The following FCHO2 variants were observed in gnomAD, a reference collection of about 807,000 sequenced individuals.
FCHO2 encodes FCH and mu domain containing endocytic adaptor 2.
In FCHO2, 43 loss-of-function variants were observed where a neutral mutation model predicts 114.1. The ratio of observed to expected loss-of-function variants is 0.38; its 90% confidence interval spans 0.30 to 0.49. The LOEUF (loss-of-function observed/expected upper bound fraction) is 0.49. Ranked by LOEUF, FCHO2 falls within the 20% of genes least tolerant of loss-of-function variation. The probability of loss-of-function intolerance (pLI) is 0.97; values close to 1 mark genes in which losing one functional copy is unlikely to be tolerated. For synonymous variants in FCHO2, 293 were observed against 315.2 expected (o/e 0.93, Z 0.75); for missense variants, 807 against 950.4 (o/e 0.85, Z 1.98).
At chr5:73,044,494 C>T (rs558797824) in intron 11 of FCHO2, among the ~76,000 whole-genome samples, 23 of 152,064 alleles carry the variant, frequency 1.5e-4, no homozygotes, top group South Asian at 4.1e-4. Context: ...TAATAACTTA[C>T]GGCCTATTCA....
At chr5:72,968,334 A>G (rs1266955580) in intron 1 of FCHO2, among the ~76,000 whole-genome samples, 164 bp from the exon 2 acceptor site, 4 of 152,240 alleles carry the variant, frequency 2.6e-5, no homozygotes, top group Non-Finnish European at 4.4e-5. Context: ...ATTAAAGCAT[A>G]TAATATTGCT....
At chr5:73,049,485 C>G (rs1429350203) in intron 11 of FCHO2, among the ~76,000 whole-genome samples, 1 of 151,858 alleles carries the variant, frequency 6.6e-6, no homozygotes, top group Non-Finnish European at 1.5e-5. Context: ...CTTAGAGTAC[C>G]TTGTTCTCAT....
At chr5:73,051,601 C>G (rs540966930) in intron 12 of FCHO2, among the ~76,000 whole-genome samples, 195 bp downstream of exon 12, 38 of 152,000 alleles carry the variant, frequency 2.5e-4, no homozygotes, top group African/African-American at 4.3e-4. Flanking sequence ...GAGTCTCGCT[C>G]TCTTGCCCGG....
intron 5 of FCHO2, among the ~76,000 whole-genome samples, chr5:73,001,843 G>A (rs1442123989): frequency 6.6e-6 from 1 of 151,052 alleles, no homozygotes; most frequent in Non-Finnish European, 1.5e-5. Context: ...GGAGGCTAAA[G>A]TACTTGAGCC....
intron 18 of FCHO2, among the ~76,000 whole-genome samples, chr5:73,064,478 C>T (rs982069785): frequency 3.3e-5 from 5 of 152,006 alleles, no homozygotes; most frequent in Non-Finnish European, 7.4e-5. Context: ...GAGGCTCTCC[C>T]AGTCTATTTG....
chr5:73,072,892 TAA>T (rs375185761), intron 19 of FCHO2, among the ~76,000 whole-genome samples: 33 of 152,210 alleles, frequency 2.2e-4, no homozygotes, highest in East Asian at 1.9e-3. Flanking sequence ...AATTTTATGT[TAA>T]GTTTATTTTA....
At chr5:72,956,777 T>G (rs1226839131) in intron 1 of FCHO2, among the ~76,000 whole-genome samples, 1 of 152,034 alleles carries the variant, frequency 6.6e-6, no homozygotes, top group Non-Finnish European at 1.5e-5. Flanking sequence ...CATGGAGACC[T>G]CCCCCTACTC....
chr5:73,061,007 C>CAA (rs202006082), intron 17 of FCHO2, among the ~76,000 whole-genome samples: 2,107 of 129,426 alleles, frequency 0.016, 44 homozygotes, highest in African/African-American at 0.053. Context: ...CTTGTGCTCA[C>CAA]AAAAAAAAAA....
At chr5:73,051,576 G>T (rs958901039) in intron 12 of FCHO2, among the ~76,000 whole-genome samples, 170 bp downstream of exon 12, 2 of 150,936 alleles carry the variant, frequency 1.3e-5, no homozygotes, top group Non-Finnish European at 1.5e-5. Flanking sequence ...TTTTTTTTGG[G>T]TTTTTTTTGA....
At chr5:72,983,789 T>C (rs1324454310) in intron 2 of FCHO2, among the ~76,000 whole-genome samples, 1 of 152,068 alleles carries the variant, frequency 6.6e-6, no homozygotes. Context: ...TTCTAGATCT[T>C]TTGCTGTTTT....
At position 72,956,123 on chromosome 5, in the gene FCHO2, T is replaced by C. The variant is rs1187358452; in HGVS notation, c.27T>C (p.Asn9=). MVMAYFVE[N]FWGEKNSGFD... is the part of the protein sequence containing the mutation. ...TGGTCATGGCGTATTTCGTCGAGAATTTTTGGGTAAGCTTAGGATGTTGGA... is the reference window on the plus strand; with the variant it reads ...TGGTCATGGCGTATTTCGTCGAGAACTTTTGGGTAAGCTTAGGATGTTGGA... The change falls in exon 1 of 26, where the codon AAT becomes AAC. Residue 9 remains asparagine, a synonymous_variant. Transcript: ENST00000430046. 1 of 1,540,578 alleles carries C rather than the reference T, an allele frequency of 6.5e-7. No individual in the cohort carries two copies. Among genetic ancestry groups the C allele is most frequent in the South Asian group, 1.2e-5 (1 of 82,690 alleles).
intron 8 of FCHO2, among the ~76,000 whole-genome samples, chr5:73,026,617 AT>A (rs1311470005): frequency 6.6e-6 from 1 of 151,910 alleles, no homozygotes; most frequent in African/African-American, 2.4e-5. Context: ...AGCATTACAA[AT>A]TTTTTTCTAA....
Position 72,971,866 on chromosome 5 carries a change from T to C in FCHO2, c.125+3277T>C, listed in dbSNP as rs567313787. Among the ~76,000 whole-genome samples the C allele has an allele frequency of 2.0e-5, 3 of 152,290 alleles. No individual in the cohort carries two copies. In the East Asian group the frequency reaches 5.8e-4, roughly 29 times the overall value. ...ATTTAAGTCTTTAATCCATCGTGAA[T>C]TGATTTTTGTATAAGGTGTAAGGAA... On this transcript the variant is annotated intron_variant, in intron 2 of 25. Transcript: ENST00000430046.
chr5:73,036,113 T>C (rs752256043), intron 9 of FCHO2, among the ~76,000 whole-genome samples: 1 of 152,070 alleles, frequency 6.6e-6, no homozygotes, highest in Non-Finnish European at 1.5e-5. Context: ...TCCAAAGTGC[T>C]GGGATTATAG....
chr5:73,044,209 C>T (rs1158079737), intron 11 of FCHO2, among the ~76,000 whole-genome samples: 1 of 152,172 alleles, frequency 6.6e-6, no homozygotes, highest in Non-Finnish European at 1.5e-5. Flanking sequence ...GATTAAACTT[C>T]TTTTCTTTAT....
intron 1 of FCHO2, among the ~76,000 whole-genome samples, chr5:72,961,657 C>T (rs762017887): frequency 1.1e-4 from 16 of 151,544 alleles, no homozygotes; most frequent in South Asian, 4.2e-4. Context: ...TGCAATGGCG[C>T]GATCTCAGCT....
chr5:73,000,339 T>C (rs927607205), intron 5 of FCHO2, among the ~76,000 whole-genome samples: 8 of 151,518 alleles, frequency 5.3e-5, no homozygotes, highest in African/African-American at 1.7e-4. Context: ...AGTATGGTGG[T>C]GTGTGCCTAT....
intron 6 of FCHO2, among the ~76,000 whole-genome samples, chr5:73,012,938 G>A (rs1470530390): frequency 6.6e-6 from 1 of 152,230 alleles, no homozygotes; most frequent in East Asian, 1.9e-4. Flanking sequence ...GCCTTGTTGA[G>A]TGTAGCTTTT....
Position 73,081,938 on chromosome 5 carries a change from G to A in FCHO2, c.2136G>A (p.Val712=). 5.6e-6 allele frequency: 9 copies of A among 1,603,262 alleles called. No individual in the cohort carries two copies. The highest frequency in any genetic ancestry group is 7.7e-6 in the Non-Finnish European group (9 of 1,174,296). Residue 712 remains valine, a synonymous_variant, in exon 23 of 26, where the codon GTG becomes GTA. Coordinates refer to ENST00000430046, the MANE Select transcript of FCHO2 (RefSeq NM_138782.3). ...VLSNIQVVVP[V]DGGVTNMQSL... Reference sequence around the variant, plus strand: ...CCAACATACAGGTGGTGGTACCAGTGGATGGAGGAGTAACGAACATGCAGT... The same window carrying A: ...CCAACATACAGGTGGTGGTACCAGTAGATGGAGGAGTAACGAACATGCAGT...
Sources: gnomAD v4.1 joint callset for allele counts (sites outside exome capture counted in the v4.1 genomes callset) on GRCh38, gnomAD v4.1.1 for gene constraint, MANE v1.5 for transcripts, NCBI Gene and HGNC (gene_info 2026-07-23, HGNC 2026-07-21) for gene names.